The following PNLIPRP1 variants were observed in gnomAD, a reference collection of about 807,000 sequenced individuals.
The protein encoded by PNLIPRP1 is inactive pancreatic lipase-related protein 1.
In PNLIPRP1, 57 loss-of-function variants were observed where a neutral mutation model predicts 54.6. The observed-to-expected ratio is 1.04, with a 90% CI of 0.84 to 1.30. The LOEUF is 1.30. Among genes scored for constraint, PNLIPRP1 ranks in the 50% most tolerant of loss-of-function variants. PNLIPRP1 has a pLI of 0.00. For missense variants in PNLIPRP1, 567 were observed against 568.5 expected (o/e 1.00, Z 0.03); for synonymous variants, 232 against 208.8 (o/e 1.11, Z -0.96).
At chr10:116,591,097 G>T (rs189525566) in intron 1 of PNLIPRP1, 33 bp from the exon 2 acceptor site, 1 of 1,593,544 alleles carries the variant, frequency 6.3e-7, no homozygotes. Flanking sequence ...GGCAATGCCC[G>T]GTGAGACTGA....
At chr10:116,601,364 TAGAC>T (rs1348596797) in intron 10 of PNLIPRP1, among the ~76,000 whole-genome samples, 163 bp downstream of exon 10, 1 of 152,182 alleles carries the variant, frequency 6.6e-6, no homozygotes, top group Non-Finnish European at 1.5e-5. Flanking sequence ...ACTGAGGATT[TAGAC>T]AGAGTGTGCA....
In PNLIPRP1 at chr10:116,591,954, G is replaced by C. The variant is rs193200669; in HGVS notation, c.204+29G>C. ...AGACCTCTGTCATTTAAATGTCACT[G>C]TAACTGGCACGGGGCTATGCCCACC... is the stretch of plus-strand genomic sequence containing the variant. On this transcript the variant is annotated intron_variant, in intron 3 of 12. Coordinates refer to ENST00000358834, the MANE Select transcript of PNLIPRP1 (RefSeq NM_006229.4). 4 of 1,612,758 alleles carry C rather than the reference G, an allele frequency of 2.5e-6. No homozygotes were observed. In the African/African-American group the frequency reaches 5.3e-5, roughly 22 times the overall value.
intron 12 of PNLIPRP1, among the ~76,000 whole-genome samples, chr10:116,606,549 G>C (rs549405790): frequency 6.6e-6 from 1 of 152,156 alleles, no homozygotes; most frequent in African/African-American, 2.4e-5. Flanking sequence ...GCTCCCCAAG[G>C]CCCCATTAGC....
At chr10:116,602,853 T>C (rs1180856800) in intron 10 of PNLIPRP1, among the ~76,000 whole-genome samples, 4 of 152,180 alleles carry the variant, frequency 2.6e-5, no homozygotes, top group African/African-American at 9.7e-5. Context: ...GTATGTATAT[T>C]TGTATGTGGG....
chr10:116,590,968 G>A lies in PNLIPRP1; in HGVS notation c.-28G>A, dbSNP rs1052362335. On this transcript the variant is annotated 5_prime_UTR_variant, in exon 1 of 13. Transcript: ENST00000358834. Reference sequence around the variant, plus strand: ...AAAGGGCTGGACACTCGATCCGGTGGGAGGGAACATCTGGAACATTAGACA... The same window carrying A: ...AAAGGGCTGGACACTCGATCCGGTGAGAGGGAACATCTGGAACATTAGACA... The A allele has an allele frequency of 1.7e-6, 1 of 596,588 alleles. No individual in the cohort carries two copies. The highest frequency in any genetic ancestry group is 1.8e-5 in the African/African-American group (1 of 54,304). The allele number at this position is 596,588 out of a possible 1,614,324, so 37.0% of individuals were successfully genotyped here. A position where few individuals can be genotyped will look rare whatever the true frequency, so the allele number is the denominator to read the frequency against.
At chr10:116,599,460 C>T (rs1554864467) in intron 8 of PNLIPRP1, among the ~76,000 whole-genome samples, 1 of 151,902 alleles carries the variant, frequency 6.6e-6, no homozygotes, top group African/African-American at 2.4e-5. Context: ...TTGCAGGGAG[C>T]CCAGAAAGGT....
At position 116,594,742 on chromosome 10, in the gene PNLIPRP1, G is replaced by A. The variant is rs782408538; in HGVS notation, c.343G>A (p.Val115Met). The A allele has an allele frequency of 1.2e-6, 2 of 1,614,206 alleles. No individual in the cohort carries two copies. The highest frequency in any genetic ancestry group is 1.7e-6 in the Non-Finnish European group (2 of 1,180,044). The change falls in exon 5 of 13, where the codon GTG becomes ATG. Residue 115 changes from valine to methionine, a missense_variant. Val to Met is a conservative substitution (Grantham distance 21). Coordinates refer to ENST00000358834, the MANE Select transcript of PNLIPRP1 (RefSeq NM_006229.4). ...TCCCCAACACCAGAAACTGTTCGAGGTGGAGGAGGTGAACTGCATCTGCGT... is the reference window on the plus strand; with the variant it reads ...TCCCCAACACCAGAAACTGTTCGAGATGGAGGAGGTGAACTGCATCTGCGT... ...VTDMCKKLFE[V>M]EEVNCICVDW...
rs782517465 is a variant in PNLIPRP1, at chr10:116,596,287, C to G, written c.539C>G (p.Ala180Gly). ...HSLGAHVAGEAGSKTPGLSRI... is the reference protein window; with the variant it reads ...HSLGAHVAGEGGSKTPGLSRI... ...CTGGGAGCCCACGTGGCTGGAGAGG[C>G]AGGAAGCAAGACTCCAGGCCTGAGC... Residue 180 changes from alanine (A) to glycine (G), a missense_variant, in exon 6 of 13, where the codon GCA (alanine) becomes GGA (glycine). Transcript: ENST00000358834. The G allele has an allele frequency of 1.2e-6, 2 of 1,613,658 alleles. No individual in the cohort carries two copies. Among genetic ancestry groups the G allele is most frequent in the Non-Finnish European group, 1.7e-6 (2 of 1,179,558 alleles).
chr10:116,604,864 T>C (rs1190658280), intron 11 of PNLIPRP1, among the ~76,000 whole-genome samples: 1 of 152,016 alleles, frequency 6.6e-6, no homozygotes, highest in Non-Finnish European at 1.5e-5. Flanking sequence ...GATTTTTGTA[T>C]TTTTAGTAGA....
chr10:116,604,093 C>T lies in PNLIPRP1; in HGVS notation c.1127C>T (p.Ala376Val). ...ACAGCCACTGGTCAGATCAAAGTTG[C>T]TTTGTTTGGAAATAAGGGAAACACT... ...GRTATGQIKV[A>V]LFGNKGNTHQ... The change falls in exon 11 of 13, where the codon GCT becomes GTT. Residue 376 changes from alanine to valine, a missense_variant. By Grantham distance (64) the Ala-to-Val change is moderately conservative. Transcript: ENST00000358834. 7 of 1,613,416 alleles carry T rather than the reference C, an allele frequency of 4.3e-6. No homozygotes were observed. Among genetic ancestry groups the T allele is most frequent in the Non-Finnish European group, 5.9e-6 (7 of 1,179,446 alleles).
In PNLIPRP1 at chr10:116,605,531, CA is replaced by C; in HGVS notation, c.1322del (p.Lys441ArgfsTer?). On this transcript the variant is annotated frameshift_variant, in exon 12 of 13. Coordinates refer to ENST00000358834, the MANE Select transcript of PNLIPRP1 (RefSeq NM_006229.4). LOFTEE classifies it high-confidence loss of function. ...PKVGATKITV[Q>X]KGEEKTVYNF... The stretch of plus-strand genomic sequence containing the variant: ...AGTGGGTGCCACCAAGATCACTGTG[CA>C]AAAGGGAGAAGAGAAGACAGTGTAT... 6.2e-7 allele frequency: 1 copy of C among 1,603,912 alleles called. No homozygotes were observed. The highest frequency in any genetic ancestry group is 1.1e-5 in the South Asian group (1 of 89,422).
In PNLIPRP1 at chr10:116,592,495, G is replaced by T. The variant is rs782063934; in HGVS notation, c.284G>T (p.Gly95Val). 3 of 1,614,134 alleles carry T rather than the reference G, an allele frequency of 1.9e-6. No homozygotes were observed. The highest frequency in any genetic ancestry group is 2.2e-5 in the South Asian group (2 of 91,082). The part of the protein sequence containing the change: ...MDRKTRFIIH[G>V]FIDKGDESWV... ...AGAAAGACCCGGTTCATCATCCATG[G>T]CTTCATAGACAAAGGAGATGAGAGC... is the stretch of plus-strand genomic sequence containing the variant. The change falls in exon 4 of 13, where the codon GGC becomes GTC. Residue 95 changes from glycine (G) to valine (V), a missense_variant. By Grantham distance (109) the Gly-to-Val change is moderately radical (BLOSUM62 -3). Transcript: ENST00000358834.
At chr10:116,601,240 T>C (rs1847833878) in intron 10 of PNLIPRP1, 39 bp downstream of exon 10, 2 of 1,576,186 alleles carry the variant, frequency 1.3e-6, no homozygotes, top group Non-Finnish European at 1.7e-6. Flanking sequence ...GTAAAGAAAG[T>C]ATATAGTTTC....
chr10:116,601,386 C>T (rs1261853145), intron 10 of PNLIPRP1, among the ~76,000 whole-genome samples, 185 bp downstream of exon 10: 2 of 152,104 alleles, frequency 1.3e-5, no homozygotes, highest in African/African-American at 2.4e-5. Context: ...GCATTTCTTC[C>T]GTTCTATTTC....
intron 12 of PNLIPRP1, among the ~76,000 whole-genome samples, chr10:116,606,165 G>A (rs1156870981): frequency 1.3e-5 from 2 of 152,134 alleles, no homozygotes; most frequent in African/African-American, 4.8e-5. Context: ...GTGGCTTTGT[G>A]GGAAGGAGAT....
intron 11 of PNLIPRP1, among the ~76,000 whole-genome samples, chr10:116,604,673 TTC>T (rs1307968062): frequency 1.5e-4 from 22 of 148,042 alleles, no homozygotes; most frequent in Non-Finnish European, 2.5e-4. Context: ...ATTTCGTCCT[TTC>T]TCTCTCTTTT....
chr10:116,602,786 T>A (rs1252066633), intron 10 of PNLIPRP1, among the ~76,000 whole-genome samples: 2 of 152,246 alleles, frequency 1.3e-5, no homozygotes, highest in Non-Finnish European at 1.5e-5. Flanking sequence ...TGTGTATGCA[T>A]GTGTTTATAT....
chr10:116,604,199 A>G (rs1308574541), intron 11 of PNLIPRP1, 61 bp downstream of exon 11: 1 of 868,792 alleles, frequency 1.2e-6, no homozygotes, highest in African/African-American at 1.7e-5. Flanking sequence ...CAAACCACAC[A>G]CTTAATTTGA....
In PNLIPRP1 at chr10:116,598,141, C is replaced by G. The variant is rs1554864229; in HGVS notation, c.789C>G (p.Ile263Met). The G allele has an allele frequency of 6.2e-7, 1 of 1,613,954 alleles. No homozygotes were observed. The highest frequency in any genetic ancestry group is 1.7e-5 in the Admixed American group (1 of 60,000). ...PGCKKNALSQ[I>M]VDLDGIWAGT... ...GCAAGAAGAATGCCCTGTCTCAGATCGTGGATCTAGATGGCATCTGGGCGG... is the reference window on the plus strand; with the variant it reads ...GCAAGAAGAATGCCCTGTCTCAGATGGTGGATCTAGATGGCATCTGGGCGG... The change falls in exon 8 of 13, where the codon ATC (isoleucine) becomes ATG (methionine). Residue 263 changes from isoleucine (I) to methionine (M), a missense_variant. Physicochemically the swap from Ile to Met is conservative, Grantham distance 10. Coordinates refer to ENST00000358834, the MANE Select transcript of PNLIPRP1 (RefSeq NM_006229.4).
Sources: gnomAD v4.1 joint callset for allele counts (sites outside exome capture counted in the v4.1 genomes callset) on GRCh38, gnomAD v4.1.1 for gene constraint, MANE v1.5 for transcripts, NCBI Gene and HGNC (gene_info 2026-07-23, HGNC 2026-07-21) for gene names.